Variants in ASTN2 observed in about 807,000 individuals in gnomAD.
ASTN2 encodes the protein astrotactin 2.
Under a neutral mutation model 139.8 loss-of-function variants are expected in ASTN2, and 54 were observed. The observed-to-expected ratio is 0.39, with a 90% CI of 0.31 to 0.48. The LOEUF (loss-of-function observed/expected upper bound fraction) is 0.48, where lower values mean the gene tolerates loss of function less well. ASTN2 is among the 20% of genes least tolerant of loss of function. The pLI, the probability that ASTN2 is intolerant of heterozygous loss-of-function variation, is 0.95. For synonymous variants in ASTN2, 756 were observed against 719.5 expected (o/e 1.05, Z -0.81); for missense variants, 1,565 against 1,725.1 (o/e 0.91, Z 1.64).
At chr9:116,537,238 G>T (rs1851677002) in intron 19 of ASTN2, among the ~76,000 whole-genome samples, 1 of 152,166 alleles carries the variant, frequency 6.6e-6, no homozygotes. Flanking sequence ...GCTCACACTG[G>T]GAGCTGTAGA....
chr9:117,127,672 GTTTTTTTTTTTTT>G (rs11427891), intron 4 of ASTN2, among the ~76,000 whole-genome samples: 2 of 70,890 alleles, frequency 2.8e-5, no homozygotes, highest in Non-Finnish European at 5.0e-5. Flanking sequence ...TTTTGTTTTG[GTTTTTTTTTTTTT>G]TTTTTTTTTT....
At chr9:117,402,334 G>A (rs1266848211) in intron 1 of ASTN2, among the ~76,000 whole-genome samples, 1 of 152,190 alleles carries the variant, frequency 6.6e-6, no homozygotes, top group African/African-American at 2.4e-5. Context: ...CCAAAGAGCT[G>A]GGATTACAGG....
At chr9:117,391,590 AAG>A (rs1356273001) in intron 1 of ASTN2, among the ~76,000 whole-genome samples, 2 of 152,136 alleles carry the variant, frequency 1.3e-5, no homozygotes, top group Non-Finnish European at 2.9e-5. Context: ...TGGGAGCTAC[AAG>A]ATGAGATTTG....
chr9:117,147,000 T>C (rs1830213151), intron 3 of ASTN2, among the ~76,000 whole-genome samples: 1 of 152,158 alleles, frequency 6.6e-6, no homozygotes, highest in East Asian at 1.9e-4. Flanking sequence ...TATATCAAAA[T>C]ATCATACCGT....
At chr9:117,187,250 A>G (rs1161044761) in intron 3 of ASTN2, among the ~76,000 whole-genome samples, 1 of 152,150 alleles carries the variant, frequency 6.6e-6, no homozygotes, top group Non-Finnish European at 1.5e-5. Context: ...GGAGGGCCTT[A>G]GGGTGCTATA....
chr9:116,467,420 C>A (rs976254481), intron 20 of ASTN2, among the ~76,000 whole-genome samples: 6 of 152,154 alleles, frequency 3.9e-5, no homozygotes, highest in Non-Finnish European at 8.8e-5. Flanking sequence ...GCGCACGCCA[C>A]CACTTCCAGC....
At chr9:117,365,295 AAGAAAAAGAAAGAAAGAAAAAG>A (rs1324463625) in intron 1 of ASTN2, among the ~76,000 whole-genome samples, 49 of 148,708 alleles carry the variant, frequency 3.3e-4, no homozygotes, top group African/African-American at 1.2e-3. Context: ...AAGAAATAGA[AAGAAAAAGAAAGAAAGAAAAAG>A]AAAGAAAGAA....
intron 16 of ASTN2, among the ~76,000 whole-genome samples, chr9:116,681,873 T>A (rs1330898404): frequency 6.6e-6 from 1 of 150,688 alleles, no homozygotes; most frequent in Non-Finnish European, 1.5e-5. Context: ...CAAAAATTAA[T>A]TCAAGATGGA....
chr9:117,105,234 G>A (rs1035790739), intron 4 of ASTN2, among the ~76,000 whole-genome samples: 1 of 152,106 alleles, frequency 6.6e-6, no homozygotes, highest in African/African-American at 2.4e-5. Flanking sequence ...AGGATTTCTA[G>A]AGATAGAACC....
chr9:117,212,080 G>T (rs1301872003), intron 3 of ASTN2, among the ~76,000 whole-genome samples: 3 of 152,104 alleles, frequency 2.0e-5, no homozygotes, highest in Middle Eastern at 3.2e-3. Flanking sequence ...ATACATAGAT[G>T]AATGTAACAG....
intron 1 of ASTN2, among the ~76,000 whole-genome samples, chr9:117,382,808 G>A (rs1830305323): frequency 6.6e-6 from 1 of 152,168 alleles, no homozygotes. Flanking sequence ...TGCTGTACGA[G>A]TTCAAAGGAG....
intron 4 of ASTN2, among the ~76,000 whole-genome samples, chr9:117,107,385 T>C (rs1038211480): frequency 6.6e-6 from 1 of 152,170 alleles, no homozygotes; most frequent in African/African-American, 2.4e-5. Context: ...TTGATCTATA[T>C]TGTCAAGACA....
At chr9:117,266,028 T>A (rs4837052) in intron 2 of ASTN2, among the ~76,000 whole-genome samples, 37,070 of 152,154 alleles carry the variant, frequency 0.24, 5,279 homozygotes, top group Middle Eastern at 0.31. Flanking sequence ...TGAGCTAATC[T>A]GCTAGGCTTA....
At chr9:117,199,515 GT>G (rs1831630917) in intron 3 of ASTN2, among the ~76,000 whole-genome samples, 1 of 152,128 alleles carries the variant, frequency 6.6e-6, no homozygotes, top group African/African-American at 2.4e-5. Flanking sequence ...CGCTGTTTTG[GT>G]TGCTGTAGGC....
intron 22 of ASTN2, among the ~76,000 whole-genome samples, chr9:116,436,653 G>T (rs943171737): frequency 6.6e-6 from 1 of 152,136 alleles, no homozygotes; most frequent in African/African-American, 2.4e-5. Flanking sequence ...ACATTTTAGA[G>T]AATTCTCTGT....
At chr9:116,978,321 C>A (rs1032625615) in intron 7 of ASTN2, among the ~76,000 whole-genome samples, 4 of 152,156 alleles carry the variant, frequency 2.6e-5, no homozygotes, top group African/African-American at 9.7e-5. Flanking sequence ...AGAATAGGGT[C>A]AGTGCTTAAC....
intron 13 of ASTN2, among the ~76,000 whole-genome samples, chr9:116,785,758 C>G (rs1236021071): frequency 6.6e-6 from 1 of 152,152 alleles, no homozygotes; most frequent in African/African-American, 2.4e-5. Context: ...TCTCTCCATG[C>G]TGACTTGTCT....
Position 116,655,244 on chromosome 9 carries a change from A to G in ASTN2, c.2807-3451T>C, listed in dbSNP as rs2131939449. 2.0e-5 allele frequency among the ~76,000 whole-genome samples: 3 copies of G among 152,352 alleles called. 1 individual carries two copies. The highest frequency in any genetic ancestry group is 2.0e-4 in the Admixed American group (3 of 15,302). On this transcript the variant is annotated intron_variant, in intron 16 of 22. Coordinates refer to ENST00000313400, the MANE Select transcript of ASTN2 (RefSeq NM_001365068.1). ...TGAAACACCATTAGCCATTCCATTA[A>G]TTATTCCTCTGTAGACATTACAATT...
chr9:117,355,833 C>G (rs1829525331), intron 1 of ASTN2, among the ~76,000 whole-genome samples: 1 of 152,118 alleles, frequency 6.6e-6, no homozygotes, highest in African/African-American at 2.4e-5. Context: ...TGCTGGGGGA[C>G]ATGGGAGCAG....
Sources: gnomAD v4.1 joint callset for allele counts (sites outside exome capture counted in the v4.1 genomes callset) on GRCh38, gnomAD v4.1.1 for gene constraint, MANE v1.5 for transcripts, NCBI Gene and HGNC (gene_info 2026-07-23, HGNC 2026-07-21) for gene names.